GSG1L: variants seen among roughly 807,000 people sequenced by gnomAD.
The protein encoded by GSG1L is germ cell-specific gene 1-like protein.
In GSG1L, 24 loss-of-function variants were observed where a neutral mutation model predicts 42.1. The ratio of observed to expected loss-of-function variants is 0.57; its 90% CI spans 0.41 to 0.80. The LOEUF is 0.80. Ranked by LOEUF, GSG1L falls within the 30% of genes least tolerant of loss-of-function variation. The pLI, the probability that GSG1L is intolerant of heterozygous loss-of-function variation, is 0.00. For synonymous variants in GSG1L, 215 were observed against 203.5 expected, an observed-to-expected ratio of 1.06 and a Z score of -0.48; for missense variants, 445 against 472.2, an observed-to-expected ratio of 0.94 and a Z score of 0.53.
chr16:27,870,089 C>T (rs1428006554), intron 3 of GSG1L, among the ~76,000 whole-genome samples: 1 of 148,768 alleles, frequency 6.7e-6, no homozygotes, highest in African/African-American at 2.5e-5. Flanking sequence ...CCTTTTCTCC[C>T]TCTGTCTCCT....
At chr16:27,887,388 A>C (rs1448074462) in intron 2 of GSG1L, among the ~76,000 whole-genome samples, 1 of 152,214 alleles carries the variant, frequency 6.6e-6, no homozygotes, top group Non-Finnish European at 1.5e-5. Context: ...AGATGGAGGA[A>C]GATTGCGTCC....
intron 6 of GSG1L, among the ~76,000 whole-genome samples, chr16:27,803,787 A>ATATC (rs1567460381): frequency 2.0e-4 from 18 of 89,670 alleles, no homozygotes; most frequent in Non-Finnish European, 3.0e-4. Context: ...ATATATATAT[A>ATATC]TATATATAGA....
intron 3 of GSG1L, chr16:27,850,418 T>TA (rs1441942792): frequency 2.3e-6 from 1 of 436,756 alleles, no homozygotes; most frequent in Non-Finnish European, 4.6e-6. Flanking sequence ...ACCGGAGACT[T>TA]AAATGCGTGA....
chr16:27,920,112 T>C (rs997145134), intron 2 of GSG1L, among the ~76,000 whole-genome samples: 4 of 152,200 alleles, frequency 2.6e-5, no homozygotes, highest in African/African-American at 9.7e-5. Flanking sequence ...AAATTTAAAA[T>C]CTTCAATTGT....
chr16:27,912,117 C>T (rs1183686105), intron 2 of GSG1L, among the ~76,000 whole-genome samples: 1 of 152,168 alleles, frequency 6.6e-6, no homozygotes, highest in Non-Finnish European at 1.5e-5. Context: ...GTTCCCGCAA[C>T]CCTACAAGGG....
chr16:27,826,559 AGAAGG>A (rs2083211523), intron 5 of GSG1L, among the ~76,000 whole-genome samples: 1 of 152,144 alleles, frequency 6.6e-6, no homozygotes, highest in South Asian at 2.1e-4. Flanking sequence ...TGGGTAGGGA[AGAAGG>A]GAAGTGCGAC....
intron 1 of GSG1L, among the ~76,000 whole-genome samples, chr16:27,996,630 C>T (rs1008314305): frequency 3.3e-5 from 5 of 152,224 alleles, no homozygotes; most frequent in East Asian, 3.9e-4. Context: ...GTCTACAGAA[C>T]TCTGCCTGGC....
Position 27,888,468 on chromosome 16 carries a change from C to CTT in GSG1L, c.398-3831_398-3830insAA, listed in dbSNP as rs1567505772. Among the ~76,000 whole-genome samples the CTT allele has an allele frequency of 6.4e-3, 237 of 37,126 alleles. 28 individuals carry two copies. The highest frequency in any genetic ancestry group is 9.4e-3 in the East Asian group (9 of 960). The allele number at this position is 37,126 out of a possible 152,430, so 24.4% of individuals were successfully genotyped here. ...TCTTTCTTTCTTTCTTTCTTTCTCTCTCTCTCTCTCTTTCCTTTCTTTCTT... is the reference window on the plus strand; with the variant it reads ...TCTTTCTTTCTTTCTTTCTTTCTCTCTTTCTCTCTCTCTTTCCTTTCTTTCTT... On this transcript the variant is annotated intron_variant, in intron 2 of 6. Coordinates refer to ENST00000447459, the MANE Select transcript of GSG1L (RefSeq NM_001109763.2).
intron 2 of GSG1L, among the ~76,000 whole-genome samples, chr16:27,932,405 T>C (rs956502042): frequency 1.3e-5 from 2 of 152,130 alleles, no homozygotes; most frequent in Non-Finnish European, 2.9e-5. Context: ...GAAAGCATGA[T>C]GCTGACATCT....
chr16:27,955,048 G>A (rs2084989140), intron 2 of GSG1L, among the ~76,000 whole-genome samples: 1 of 152,102 alleles, frequency 6.6e-6, no homozygotes, highest in South Asian at 2.1e-4. Flanking sequence ...TGTATCTTGA[G>A]CTTCAAAATA....
intron 2 of GSG1L, among the ~76,000 whole-genome samples, chr16:27,954,096 AGGAGGCAGTT>A (rs1022350239): frequency 6.6e-6 from 1 of 152,144 alleles, no homozygotes; most frequent in Non-Finnish European, 1.5e-5. Flanking sequence ...GGAAGTGTCC[AGGAGGCAGTT>A]GGAGGTGGAA....
At chr16:27,913,880 C>A (rs2084420607) in intron 2 of GSG1L, among the ~76,000 whole-genome samples, 1 of 152,064 alleles carries the variant, frequency 6.6e-6, no homozygotes, top group Admixed American at 6.6e-5. Flanking sequence ...AAAAGTAACA[C>A]ATGCTTATCG....
chr16:27,959,877 A>G (rs1230694223), intron 2 of GSG1L, among the ~76,000 whole-genome samples: 7 of 152,198 alleles, frequency 4.6e-5, no homozygotes, highest in Non-Finnish European at 1.0e-4. Context: ...GAATCCGGAT[A>G]AAAAATGGTT....
At chr16:27,909,494 G>A (rs1411341418) in intron 2 of GSG1L, among the ~76,000 whole-genome samples, 1 of 150,604 alleles carries the variant, frequency 6.6e-6, no homozygotes, top group Non-Finnish European at 1.5e-5. Flanking sequence ...TCAAGCAAGG[G>A]TCCCACCTCA....
intron 2 of GSG1L, among the ~76,000 whole-genome samples, chr16:27,900,527 A>C (rs375149396): frequency 1.8e-4 from 28 of 152,216 alleles, no homozygotes; most frequent in African/African-American, 6.5e-4. Context: ...GGTTCCTTCC[A>C]AGTATTTGAG....
Position 27,884,732 on chromosome 16 carries a change from A to T in GSG1L, c.398-94T>A. 7.9e-7 allele frequency: 1 copy of T among 1,264,902 alleles called. No individual in the cohort carries two copies. The highest frequency in any genetic ancestry group is 2.6e-5 in the East Asian group (1 of 38,760). 78.4% of individuals were successfully genotyped at this position (1,264,902 alleles called of 1,614,324 possible). On this transcript the variant is annotated intron_variant, in intron 2 of 6. Transcript: ENST00000447459. The surrounding 1 kb of genome is among the most constrained non-coding windows in gnomAD (Gnocchi z 4.4). ...CCTCCCACAACAGCAGAGGGTAGCA[A>T]GTCATTCTAGAATAGAACCTGGTTC...
chr16:27,978,156 GA>G (rs2085272295), intron 1 of GSG1L, among the ~76,000 whole-genome samples: 1 of 152,176 alleles, frequency 6.6e-6, no homozygotes. Context: ...AGTCTTCCAG[GA>G]ATCCACCACA....
intron 2 of GSG1L, among the ~76,000 whole-genome samples, chr16:27,918,206 G>A (rs1220782610): frequency 5.9e-5 from 9 of 152,118 alleles, no homozygotes; most frequent in South Asian, 2.1e-4. Flanking sequence ...TTTGACTGCC[G>A]TAGGCCTGGG....
chr16:28,043,341 T>C (rs1596726274), intron 1 of GSG1L, among the ~76,000 whole-genome samples: 1 of 152,202 alleles, frequency 6.6e-6, no homozygotes, highest in East Asian at 1.9e-4. Context: ...ATCACGAGCA[T>C]AGAAAACTAT....
Sources: allele counts gnomAD v4.1 joint callset (sites outside exome capture counted in the v4.1 genomes callset), GRCh38; gene constraint gnomAD v4.1.1; non-coding constraint Gnocchi (gnomAD v3.1); transcripts MANE v1.5; gene names NCBI Gene and HGNC (gene_info 2026-07-23, HGNC 2026-07-21).